Variants in WDR7 observed in about 807,000 individuals in gnomAD.
WDR7 encodes WD repeat domain 7, also known as WD repeat-containing protein 7.
WDR7 carries 46 observed loss-of-function variants against 169.4 expected under a neutral mutation model. The ratio of observed to expected loss-of-function variants is 0.27; its 90% CI spans 0.21 to 0.35. The LOEUF is 0.35. Among genes scored for constraint, WDR7 ranks in the 10% least tolerant of loss-of-function variants. WDR7 has a pLI of 1.00. For missense variants in WDR7, 1,534 were observed against 1,859.3 expected (o/e 0.83, Z 3.22); for synonymous variants, 612 against 666.8 (o/e 0.92, Z 1.27).
At chr18:56,777,733 A>G (rs2044262050) in intron 17 of WDR7, among the ~76,000 whole-genome samples, 1 of 152,242 alleles carries the variant, frequency 6.6e-6, no homozygotes. Flanking sequence ...GAATCTTGCA[A>G]TCTGGAATCT....
At chr18:56,719,093 AT>A (rs2026258352) in intron 13 of WDR7, among the ~76,000 whole-genome samples, 1 of 152,212 alleles carries the variant, frequency 6.6e-6, no homozygotes, top group Admixed American at 6.5e-5. Flanking sequence ...TTGCTTTTGC[AT>A]GTAACCTTTC....
intron 12 of WDR7, among the ~76,000 whole-genome samples, chr18:56,715,597 G>A (rs1236695312): frequency 1.3e-5 from 2 of 152,102 alleles, no homozygotes; most frequent in African/African-American, 2.4e-5. Flanking sequence ...ACTTTGGGAG[G>A]CTGAGGCAGG....
intron 13 of WDR7, among the ~76,000 whole-genome samples, chr18:56,722,052 T>C (rs1033496783): frequency 3.3e-5 from 5 of 152,232 alleles, no homozygotes; most frequent in African/African-American, 1.2e-4. Context: ...TCATGAAATA[T>C]GCATTTGAGT....
At chr18:56,752,335 G>T (rs2043808095) in intron 14 of WDR7, among the ~76,000 whole-genome samples, 1 of 152,032 alleles carries the variant, frequency 6.6e-6, no homozygotes, top group Admixed American at 6.6e-5. Flanking sequence ...CCATTGTTCT[G>T]CCAGGAGTGC....
intron 13 of WDR7, among the ~76,000 whole-genome samples, chr18:56,724,355 G>A (rs1405338672): frequency 6.6e-6 from 1 of 151,522 alleles, no homozygotes; most frequent in African/African-American, 2.4e-5. Flanking sequence ...TGGGATTATA[G>A]GCACCACCAC....
intron 21 of WDR7, 143 bp from the exon 22 acceptor site, chr18:56,923,779 C>T: frequency 1.4e-6 from 1 of 738,060 alleles, no homozygotes. Flanking sequence ...ACCATTTATC[C>T]AAGATCTTGT....
At chr18:57,010,079 G>T in intron 26 of WDR7, 1 of 985,476 alleles carries the variant, frequency 1.0e-6, no homozygotes, top group Non-Finnish European at 1.2e-6. Flanking sequence ...AAAGGGTGGA[G>T]ATAATCAAGA....
At chr18:56,812,645 C>T (rs2044891512) in intron 19 of WDR7, among the ~76,000 whole-genome samples, 1 of 152,144 alleles carries the variant, frequency 6.6e-6, no homozygotes, top group Non-Finnish European at 1.5e-5. Context: ...GGCCAAAGCC[C>T]TGAGAACCTA....
At chr18:56,756,485 TAAG>T (rs1434902991) in intron 14 of WDR7, 95 bp from the exon 15 acceptor site, 25 of 1,109,728 alleles carry the variant, frequency 2.3e-5, no homozygotes, top group African/African-American at 2.2e-4. Flanking sequence ...GACAGCTTAA[TAAG>T]CATGTTAATT....
chr18:56,889,836 A>G (rs191001976), intron 21 of WDR7, among the ~76,000 whole-genome samples: 1 of 152,180 alleles, frequency 6.6e-6, no homozygotes, highest in Admixed American at 6.5e-5. Flanking sequence ...GTTGCTATGG[A>G]TATGCATAGA....
At chr18:56,877,266 TGACTC>T (rs1472381951) in intron 20 of WDR7, among the ~76,000 whole-genome samples, 1 of 152,052 alleles carries the variant, frequency 6.6e-6, no homozygotes, top group Non-Finnish European at 1.5e-5. Context: ...CTGCCAGAAA[TGACTC>T]AAGAAGAAGA....
At chr18:56,687,454 G>A (rs1475814677) in intron 7 of WDR7, among the ~76,000 whole-genome samples, 1 of 152,100 alleles carries the variant, frequency 6.6e-6, no homozygotes, top group Non-Finnish European at 1.5e-5. Flanking sequence ...CATGTTTTGG[G>A]CACTTGCTCT....
chr18:57,013,179 C>T (rs2048160514), intron 26 of WDR7, among the ~76,000 whole-genome samples: 1 of 152,138 alleles, frequency 6.6e-6, no homozygotes, highest in Non-Finnish European at 1.5e-5. Flanking sequence ...AACCTAGATT[C>T]CTCGCATGCA....
At chr18:56,899,055 C>G (rs2046367730) in intron 21 of WDR7, among the ~76,000 whole-genome samples, 1 of 152,012 alleles carries the variant, frequency 6.6e-6, no homozygotes, top group African/African-American at 2.4e-5. Context: ...TACTATATTT[C>G]AAAGTAGCTG....
intron 25 of WDR7, among the ~76,000 whole-genome samples, chr18:56,945,227 T>A (rs554907789): frequency 6.6e-6 from 1 of 152,192 alleles, no homozygotes; most frequent in African/African-American, 2.4e-5. Context: ...TCCTCTGTAT[T>A]TGCCAGAGGT....
At chr18:56,793,980 G>A (rs2044537347) in intron 19 of WDR7, among the ~76,000 whole-genome samples, 2 of 152,060 alleles carry the variant, frequency 1.3e-5, no homozygotes. Context: ...TTCTCTTCGA[G>A]TTGCTGCATA....
At chr18:56,753,165 T>A (rs2043822375) in intron 14 of WDR7, 4 of 152,258 alleles carry the variant, frequency 2.6e-5, no homozygotes, top group Middle Eastern at 3.4e-3. Context: ...TAAGGGGATT[T>A]GTGGTAATTT....
At chr18:56,657,182 G>A (rs1240836398) in intron 1 of WDR7, among the ~76,000 whole-genome samples, 4 of 150,028 alleles carry the variant, frequency 2.7e-5, no homozygotes, top group Non-Finnish European at 4.4e-5. Context: ...TTTTTAGATG[G>A]AGTCTCACTC....
chr18:56,834,407 A>G (rs2045363707), intron 20 of WDR7, among the ~76,000 whole-genome samples: 1 of 151,982 alleles, frequency 6.6e-6, no homozygotes, highest in South Asian at 2.1e-4. Flanking sequence ...CTCCCTACAT[A>G]CACACCTATC....
Sources: gnomAD v4.1 joint callset for allele counts (sites outside exome capture counted in the v4.1 genomes callset) on GRCh38, gnomAD v4.1.1 for gene constraint, MANE v1.5 for transcripts, NCBI Gene and HGNC (gene_info 2026-07-23, HGNC 2026-07-21) for gene names.